Variants in PRR16 observed in about 807,000 individuals in gnomAD.
The protein encoded by PRR16 is proline rich 16, also known as protein Largen.
In PRR16, 6 loss-of-function variants were observed where a neutral mutation model predicts 18.2. The ratio of observed to expected loss-of-function variants is 0.33; its 90% confidence interval spans 0.18 to 0.65. PRR16 has a LOEUF of 0.65. Among genes scored for constraint, PRR16 ranks in the 30% least tolerant of loss-of-function variants. The pLI is 0.74. For synonymous variants in PRR16, 151 were observed against 147.8 expected (o/e 1.02, Z -0.16); for missense variants, 412 against 376.6 (o/e 1.09, Z -0.78).
At chr5:120,566,170 C>T (rs373124759) in intron 1 of PRR16, among the ~76,000 whole-genome samples, 4 of 152,236 alleles carry the variant, frequency 2.6e-5, no homozygotes, top group East Asian at 3.9e-4. Context: ...AGGAGCCCAG[C>T]CCCATTTTTT....
chr5:120,520,873 T>G (rs1010912031), intron 1 of PRR16, among the ~76,000 whole-genome samples: 1 of 152,132 alleles, frequency 6.6e-6, no homozygotes, highest in African/African-American at 2.4e-5. Context: ...TCTTTTAATT[T>G]ATTTTATTTT....
intron 1 of PRR16, among the ~76,000 whole-genome samples, chr5:120,547,599 T>C (rs1191067338): frequency 1.3e-5 from 2 of 152,170 alleles, no homozygotes; most frequent in East Asian, 1.9e-4. Flanking sequence ...CTTTTGGCAT[T>C]ATCTGTAAGA....
chr5:120,777,274 G>T, the PRR16 span, among the ~76,000 whole-genome samples: 1 of 152,084 alleles, frequency 6.6e-6, no homozygotes, highest in Non-Finnish European at 1.5e-5. Context: ...CCAGCCATAT[G>T]TCGGACACTG....
At chr5:120,755,608 A>C in the PRR16 span, among the ~76,000 whole-genome samples, 1 of 152,134 alleles carries the variant, frequency 6.6e-6, no homozygotes, top group South Asian at 2.1e-4. Context: ...TATATGTACC[A>C]TATTTTCTTT....
chr5:120,771,393 C>T, the PRR16 span, among the ~76,000 whole-genome samples: 1 of 151,994 alleles, frequency 6.6e-6, no homozygotes, highest in African/African-American at 2.4e-5. Context: ...AGAGAATAGC[C>T]TAAGAGATGA....
At chr5:120,495,556 A>G (rs1393689043) in intron 1 of PRR16, among the ~76,000 whole-genome samples, 2 of 152,114 alleles carry the variant, frequency 1.3e-5, no homozygotes, top group African/African-American at 4.8e-5. Context: ...AGGTTTTTGG[A>G]CTTTGTGGAA....
chr5:120,551,707 T>C (rs1524577), intron 1 of PRR16, among the ~76,000 whole-genome samples: 29,171 of 151,862 alleles, frequency 0.19, 2,960 homozygotes, highest in Non-Finnish European at 0.21. Context: ...ATGAACATGC[T>C]GAAGAGAAAC....
chr5:120,766,020 A>T, the PRR16 span, among the ~76,000 whole-genome samples: 1 of 152,046 alleles, frequency 6.6e-6, no homozygotes, highest in Non-Finnish European at 1.5e-5. Flanking sequence ...AGGTATAGTT[A>T]ATAAGTGGCC....
chr5:120,669,410 T>C (rs1243521794), intron 1 of PRR16, among the ~76,000 whole-genome samples: 1 of 152,092 alleles, frequency 6.6e-6, no homozygotes. Flanking sequence ...AAATGGCTTA[T>C]TGTTTTTTAA....
At chr5:120,545,935 A>G (rs907363190) in intron 1 of PRR16, among the ~76,000 whole-genome samples, 2 of 152,072 alleles carry the variant, frequency 1.3e-5, no homozygotes, top group Admixed American at 6.6e-5. Flanking sequence ...TCTATTTTGT[A>G]TTGATTTTGA....
At chr5:120,579,637 G>A (rs1045540779) in intron 1 of PRR16, among the ~76,000 whole-genome samples, 8 of 150,572 alleles carry the variant, frequency 5.3e-5, no homozygotes, top group Admixed American at 6.6e-5. Flanking sequence ...CAGGACCATG[G>A]TGTAGCCTGT....
intron 1 of PRR16, among the ~76,000 whole-genome samples, chr5:120,609,688 C>T (rs914018747): frequency 3.3e-5 from 5 of 152,090 alleles, no homozygotes; most frequent in African/African-American, 9.7e-5. Flanking sequence ...GTGAGTGATA[C>T]TTGCATATAA....
the PRR16 span, among the ~76,000 whole-genome samples, chr5:120,721,340 T>C: frequency 2.6e-5 from 4 of 151,866 alleles, no homozygotes; most frequent in African/African-American, 9.7e-5. Flanking sequence ...ATAAATTCCA[T>C]AGAAAAATAT....
chr5:120,588,817 A>G (rs1383999336), intron 1 of PRR16, among the ~76,000 whole-genome samples: 1 of 152,078 alleles, frequency 6.6e-6, no homozygotes, highest in Non-Finnish European at 1.5e-5. Context: ...ACCCGGAATA[A>G]AACTTCCTTT....
intron 1 of PRR16, among the ~76,000 whole-genome samples, chr5:120,601,495 A>AT (rs1267861081): frequency 1.3e-5 from 2 of 151,702 alleles, no homozygotes; most frequent in Non-Finnish European, 2.9e-5. Context: ...GTTTGAAAAT[A>AT]TTTTTTCTAT....
chr5:120,498,515 G>A (rs1444967326), intron 1 of PRR16, among the ~76,000 whole-genome samples: 20 of 151,520 alleles, frequency 1.3e-4, no homozygotes, highest in Admixed American at 9.9e-4. Flanking sequence ...ATGTAGAAGC[G>A]CATCAGACAG....
intron 1 of PRR16, among the ~76,000 whole-genome samples, chr5:120,647,978 C>G (rs920626769): frequency 6.6e-6 from 1 of 151,856 alleles, no homozygotes; most frequent in African/African-American, 2.4e-5. Context: ...TTAGATATAG[C>G]ATTTTGGAAA....
intron 1 of PRR16, among the ~76,000 whole-genome samples, chr5:120,566,820 C>T (rs1166906614): frequency 2.6e-5 from 4 of 152,140 alleles, no homozygotes; most frequent in Non-Finnish European, 5.9e-5. Flanking sequence ...GTTATTGAAG[C>T]TATTCTCTAT....
intron 1 of PRR16, among the ~76,000 whole-genome samples, chr5:120,659,215 A>C (rs926842546): frequency 5.3e-5 from 8 of 151,962 alleles, no homozygotes; most frequent in Admixed American, 3.9e-4. Context: ...TTTTTCAAAG[A>C]CCATCCTTTA....
Sources: gnomAD v4.1 joint callset for allele counts (sites outside exome capture counted in the v4.1 genomes callset) on GRCh38, gnomAD v4.1.1 for gene constraint, MANE v1.5 for transcripts, NCBI Gene and HGNC (gene_info 2026-07-23, HGNC 2026-07-21) for gene names.